MORN1: variants seen among roughly 807,000 people sequenced by gnomAD.
MORN1 encodes the protein MORN repeat containing 1.
MORN1 carries 67 observed loss-of-function variants against 61.9 expected under a neutral mutation model. The observed-to-expected ratio is 1.08, with a 90% confidence interval of 0.89 to 1.33. The LOEUF (loss-of-function observed/expected upper bound fraction) is 1.33, where lower values mean the gene tolerates loss of function less well. Ranked by LOEUF, MORN1 falls within the 40% of genes most tolerant of loss-of-function variation. The pLI is 0.00. For missense variants in MORN1, 752 were observed against 691.2 expected (o/e 1.09, Z -0.99); for synonymous variants, 301 against 292.0 (o/e 1.03, Z -0.31).
rs1198130241 is a variant in MORN1, at chr1:2,337,397, C to T, written c.1037-547G>A. Among the ~76,000 whole-genome samples the T allele has an allele frequency of 1.3e-5, 2 of 152,178 alleles. No homozygotes were observed. The highest frequency in any genetic ancestry group is 1.9e-4 in the East Asian group (1 of 5,190). On this transcript the variant is annotated intron_variant, in intron 10 of 13. Transcript: ENST00000378531. The surrounding 1 kb of genome is among the most constrained non-coding windows in gnomAD (Gnocchi z 5.7). ...CACGTGGCGGCAGACCCCAGGTCCT[C>T]GGGCATCAGAGGCGGGTGTGGGCGG...
Position 2,324,081 on chromosome 1 carries a change from G to A in MORN1, c.1297+16C>T, listed in dbSNP as rs541070975. On this transcript the variant is annotated intron_variant, in intron 13 of 13. Coordinates refer to ENST00000378531, the MANE Select transcript of MORN1 (RefSeq NM_024848.3). ...AGTGGCACAGCCGGCGATGGACTTG[G>A]GCCCTGTCCACCTACCTAGGTGTGC... The A allele has an allele frequency of 4.4e-6, 7 of 1,591,886 alleles. No individual in the cohort carries two copies. In the South Asian group the frequency reaches 6.8e-5, roughly 16 times the overall value.
At chr1:2,385,957 A>G (rs1642488094) in intron 4 of MORN1, 60 bp from the exon 5 acceptor site, 2 of 1,467,956 alleles carry the variant, frequency 1.4e-6, no homozygotes. Context: ...CTGAGAAGGG[A>G]TCTGCCCTCC....
intron 6 of MORN1, chr1:2,375,390 G>A (rs1219858881): frequency 6.6e-6 from 1 of 152,272 alleles, no homozygotes; most frequent in African/African-American, 2.4e-5. Context: ...ACGGATCCTG[G>A]GCCCTGGGAT....
At position 2,383,665 on chromosome 1, in the gene MORN1, C is replaced by T. The variant is rs890870862; in HGVS notation, c.537+1313G>A. Among the ~76,000 whole-genome samples the T allele has an allele frequency of 3.3e-5, 5 of 152,354 alleles. No homozygotes were observed. In the East Asian group the frequency reaches 5.8e-4, roughly 18 times the overall value. On this transcript the variant is annotated intron_variant, in intron 6 of 13. Coordinates refer to ENST00000378531, the MANE Select transcript of MORN1 (RefSeq NM_024848.3). ...GATTCTCAGGCTGTGACCTGCGCTG[C>T]GTTTAGAGACCTGCACGCGTGGTTC...
intron 7 of MORN1, among the ~76,000 whole-genome samples, chr1:2,373,417 G>A (rs1207616390): frequency 6.6e-6 from 1 of 152,252 alleles, no homozygotes; most frequent in African/African-American, 2.4e-5. Context: ...CCTCCTCGGG[G>A]TGAAGCCAGA....
chr1:2,363,426 A>G (rs1641934229), intron 8 of MORN1: 1 of 152,156 alleles, frequency 6.6e-6, no homozygotes, highest in Admixed American at 6.5e-5. Flanking sequence ...ACCCTAAAGT[A>G]ATCCCTCAAA....
intron 10 of MORN1, chr1:2,351,707 C>G: frequency 2.1e-6 from 1 of 472,212 alleles, no homozygotes; most frequent in Non-Finnish European, 4.1e-6. Context: ...TCTTTAGTTT[C>G]ATCTTTCTGA....
rs564691960 is a variant in MORN1, at chr1:2,351,438, G to A, written c.1036+5994C>T. 1.7e-4 allele frequency: 27 copies of A among 161,374 alleles called. 1 individual carries two copies. The South Asian group carries it at 3.4e-3, about 20-fold the overall frequency. 10.0% of individuals were successfully genotyped at this position (161,374 alleles called of 1,614,324 possible). On this transcript the variant is annotated intron_variant, in intron 10 of 13. Coordinates refer to ENST00000378531, the MANE Select transcript of MORN1 (RefSeq NM_024848.3). Reference sequence around the variant, plus strand: ...CCCGCCAGCCCTCTCTGGGACTTTCGAGTCGGTTGGTGCACTTGCGGGGGC... The same window carrying A: ...CCCGCCAGCCCTCTCTGGGACTTTCAAGTCGGTTGGTGCACTTGCGGGGGC...
intron 6 of MORN1, 57 bp downstream of exon 6, chr1:2,384,921 C>G: frequency 6.9e-7 from 1 of 1,453,926 alleles, no homozygotes; most frequent in Non-Finnish European, 9.2e-7. Flanking sequence ...CCCACGCGCC[C>G]TGCCCACCAC....
At chr1:2,385,213 TCGCCAGGGCCAGCTGGGGGCCGA>T (rs1642466034) in intron 5 of MORN1, 148 bp from the exon 6 acceptor site, 2 of 766,608 alleles carry the variant, frequency 2.6e-6, no homozygotes, top group African/African-American at 1.8e-5. Flanking sequence ...AGCTCCTGCC[TCGCCAGGGCCAGCTGGGGGCCGA>T]CGACAGGCGG....
At position 2,334,203 on chromosome 1, in the gene MORN1, C is replaced by G. The variant is rs1261754236; in HGVS notation, c.1250+2266G>C. Reference sequence around the variant, plus strand: ...TGGAAGAGGTCGTGAGGTCGACGCCCCGGTCAGCCACAGTTGAGGGCCTCT... The same window carrying G: ...TGGAAGAGGTCGTGAGGTCGACGCCGCGGTCAGCCACAGTTGAGGGCCTCT... On this transcript the variant is annotated intron_variant, in intron 12 of 13. Coordinates refer to ENST00000378531, the MANE Select transcript of MORN1 (RefSeq NM_024848.3). This position sits in a 1 kb window ranked among gnomAD's most constrained non-coding sequence, Gnocchi z 5.4. Among the ~76,000 whole-genome samples, 1 of 151,872 alleles carries G rather than the reference C, an allele frequency of 6.6e-6. No individual in the cohort carries two copies. Among genetic ancestry groups the G allele is most frequent in the East Asian group, 1.9e-4 (1 of 5,168 alleles).
chr1:2,337,395 C>G lies in MORN1; in HGVS notation c.1037-545G>C, dbSNP rs1316119190. On this transcript the variant is annotated intron_variant, in intron 10 of 13. Coordinates refer to ENST00000378531, the MANE Select transcript of MORN1 (RefSeq NM_024848.3). This position sits in a 1 kb window ranked among gnomAD's most constrained non-coding sequence, Gnocchi z 5.7. ...TCCACGTGGCGGCAGACCCCAGGTC[C>G]TCGGGCATCAGAGGCGGGTGTGGGC... Among the ~76,000 whole-genome samples, 1 of 152,194 alleles carries G rather than the reference C, an allele frequency of 6.6e-6. No individual in the cohort carries two copies. The highest frequency in any genetic ancestry group is 2.4e-5 in the African/African-American group (1 of 41,454).
intron 6 of MORN1, chr1:2,378,640 A>G: frequency 3.4e-6 from 1 of 297,902 alleles, no homozygotes; most frequent in Non-Finnish European, 6.6e-6. Flanking sequence ...ACAGCCAGGG[A>G]TGCCCGGAGG....
At chr1:2,324,614 G>A (rs1354231337) in intron 12 of MORN1, among the ~76,000 whole-genome samples, 1 of 152,254 alleles carries the variant, frequency 6.6e-6, no homozygotes, top group East Asian at 1.9e-4. Context: ...TGCCCCCTTG[G>A]AGGAACAGAG....
chr1:2,325,826 TG>T (rs1228754989), intron 12 of MORN1, among the ~76,000 whole-genome samples: 1 of 152,042 alleles, frequency 6.6e-6, no homozygotes, highest in Non-Finnish European at 1.5e-5. Context: ...GGTCTCACTA[TG>T]TTGCCCAGGC....
intron 6 of MORN1, among the ~76,000 whole-genome samples, chr1:2,382,269 AG>A (rs1228784258): frequency 6.6e-6 from 1 of 152,130 alleles, no homozygotes; most frequent in East Asian, 1.9e-4. Flanking sequence ...CCTGAATCTC[AG>A]GGAACATGAG....
chr1:2,345,844 C>CACACAA (rs1354090229), intron 10 of MORN1, among the ~76,000 whole-genome samples: 1 of 144,060 alleles, frequency 6.9e-6, no homozygotes, highest in Non-Finnish European at 1.6e-5. Context: ...CACACACACA[C>CACACAA]ACACACACAC....
chr1:2,333,565 C>G (rs1409939371), intron 12 of MORN1, among the ~76,000 whole-genome samples: 3 of 152,238 alleles, frequency 2.0e-5, no homozygotes, highest in Non-Finnish European at 4.4e-5. Flanking sequence ...CCTCAGGGGT[C>G]TCCTGGGACT....
intron 8 of MORN1, among the ~76,000 whole-genome samples, chr1:2,370,287 A>G (rs2100332860): frequency 6.6e-6 from 1 of 152,332 alleles, no homozygotes; most frequent in Middle Eastern, 3.4e-3. Flanking sequence ...ATGATTGAAC[A>G]TCCCCATGAA....
Sources: allele counts gnomAD v4.1 joint callset (sites outside exome capture counted in the v4.1 genomes callset), GRCh38; gene constraint gnomAD v4.1.1; non-coding constraint Gnocchi (gnomAD v3.1); transcripts MANE v1.5; gene names NCBI Gene and HGNC (gene_info 2026-07-23, HGNC 2026-07-21).